SHANK2: variants seen among roughly 807,000 people sequenced by gnomAD.
SHANK2 encodes SH3 and multiple ankyrin repeat domains protein 2.
SHANK2 carries 43 observed loss-of-function variants against 133.7 expected under a neutral mutation model. That is an observed-to-expected ratio of 0.32 (90% CI 0.25 to 0.41). The LOEUF (loss-of-function observed/expected upper bound fraction) is 0.41. Among genes scored for constraint, SHANK2 ranks in the 10% least tolerant of loss-of-function variants. The pLI, the probability that SHANK2 is intolerant of heterozygous loss-of-function variation, is 1.00. For synonymous variants in SHANK2, 1,017 were observed against 952.8 expected (o/e 1.07, Z -1.24); for missense variants, 1,994 against 2,235.8 (o/e 0.89, Z 2.18).
At chr11:70,704,680 G>A (rs1451688017) in intron 14 of SHANK2, among the ~76,000 whole-genome samples, 29 of 152,344 alleles carry the variant, frequency 1.9e-4, no homozygotes, top group African/African-American at 6.7e-4. Flanking sequence ...GAGGGAGTGA[G>A]TCCAGCAATG....
upstream of SHANK2, among the ~76,000 whole-genome samples, chr11:71,253,045 C>T (rs992278781): frequency 1.3e-5 from 2 of 152,198 alleles, no homozygotes; most frequent in Non-Finnish European, 2.9e-5. Context: ...CCGGGTGATA[C>T]GCCGGCGTCT....
chr11:71,060,298 T>A (rs1950972469), intron 9 of SHANK2, among the ~76,000 whole-genome samples: 1 of 152,176 alleles, frequency 6.6e-6, no homozygotes, highest in Non-Finnish European at 1.5e-5. Flanking sequence ...TCAATAAAGC[T>A]GAGGTCAACA....
intron 8 of SHANK2, among the ~76,000 whole-genome samples, chr11:71,083,218 G>A (rs1951325124): frequency 6.6e-6 from 1 of 152,172 alleles, no homozygotes; most frequent in African/African-American, 2.4e-5. Flanking sequence ...TGGGACTATA[G>A]TGTGAGCCCC....
At chr11:70,682,256 G>T (rs1183334904) in intron 15 of SHANK2, among the ~76,000 whole-genome samples, 1 of 152,162 alleles carries the variant, frequency 6.6e-6, no homozygotes, top group South Asian at 2.1e-4. Context: ...ACCCCCGGAC[G>T]GTTACTAGGA....
At chr11:70,517,239 G>A (rs1450466803) in intron 17 of SHANK2, among the ~76,000 whole-genome samples, 1 of 152,218 alleles carries the variant, frequency 6.6e-6, no homozygotes, top group East Asian at 1.9e-4. Context: ...AGGATGTGCA[G>A]CAACCGGAAT....
chr11:71,066,424 A>G (rs1951065015), intron 9 of SHANK2, among the ~76,000 whole-genome samples: 1 of 151,976 alleles, frequency 6.6e-6, no homozygotes, highest in Non-Finnish European at 1.5e-5. Context: ...CGTGAAGCCA[A>G]GGAACTTCTG....
In SHANK2 at chr11:70,486,652, G is replaced by C. The variant is rs2058810899; in HGVS notation, c.3641C>G (p.Ser1214Cys). 6.2e-7 allele frequency: 1 copy of C among 1,612,416 alleles called. No individual in the cohort carries two copies. Among genetic ancestry groups the C allele is most frequent in the Non-Finnish European group, 8.5e-7 (1 of 1,180,006 alleles). The change falls in exon 25 of 26, where the codon TCC becomes TGC. Residue 1214 changes from serine (S) to cysteine (C), a missense_variant. Transcript: ENST00000601538. This position sits in a 1 kb window ranked among gnomAD's most constrained non-coding sequence, Gnocchi z 8.0. ...PLTGRLLDPS[S>C]PLALALSARD... ...TGCGGAGAGTGCCAGGGCCAGCGGG[G>C]AGCTGGGATCAAGCAGCCGCCCTGT...
chr11:71,092,690 CAA>C, intron 7 of SHANK2, 101 bp from the exon 8 acceptor site: 1 of 1,154,724 alleles, frequency 8.7e-7, no homozygotes, highest in East Asian at 2.6e-5. Flanking sequence ...TCCCCCAGGT[CAA>C]GGCAACCCAC....
rs564418732 is a variant in SHANK2 at position 71,185,946 on chromosome 11, G to A, written c.-12-38608C>T. 2.1e-3 allele frequency among the ~76,000 whole-genome samples: 327 copies of A among 152,282 alleles called. 1 individual carries two copies. The highest frequency in any genetic ancestry group is 7.2e-3 in the African/African-American group (299 of 41,560). On this transcript the variant is annotated intron_variant, in intron 2 of 25. Coordinates refer to ENST00000601538, the MANE Select transcript of SHANK2 (RefSeq NM_012309.5). The stretch of plus-strand genomic sequence containing the variant: ...AACAGTCTTGCCTGTCTCCCATGGC[G>A]CATTCCCAACAATGGAAAATACAAT...
At chr11:71,105,860 A>G (rs1555097778) in intron 6 of SHANK2, among the ~76,000 whole-genome samples, 1 of 152,094 alleles carries the variant, frequency 6.6e-6, no homozygotes, top group Non-Finnish European at 1.5e-5. Flanking sequence ...GTACAGCACC[A>G]AGCATAAACC....
At chr11:70,544,984 G>C (rs180755989) in intron 17 of SHANK2, among the ~76,000 whole-genome samples, 1 of 152,192 alleles carries the variant, frequency 6.6e-6, no homozygotes, top group Non-Finnish European at 1.5e-5. Flanking sequence ...CTGGGGTGGC[G>C]GTGGACCTCG....
At chr11:70,898,110 G>A (rs1267276969) in intron 10 of SHANK2, among the ~76,000 whole-genome samples, 1 of 151,382 alleles carries the variant, frequency 6.6e-6, no homozygotes, top group Non-Finnish European at 1.5e-5. Flanking sequence ...TTACAGGCAT[G>A]TGCCACCATG....
At chr11:70,543,191 A>G (rs1554975561) in intron 17 of SHANK2, among the ~76,000 whole-genome samples, 1 of 152,192 alleles carries the variant, frequency 6.6e-6, no homozygotes, top group African/African-American at 2.4e-5. Context: ...GGAGCCACAC[A>G]CAGTCTGCGT....
At chr11:70,838,787 C>T (rs1948861131) in intron 11 of SHANK2, among the ~76,000 whole-genome samples, 1 of 152,146 alleles carries the variant, frequency 6.6e-6, no homozygotes, top group Non-Finnish European at 1.5e-5. Flanking sequence ...GACTTCAGGG[C>T]CCTCCACTTT....
chr11:70,732,387 T>TG (rs1946309836), intron 14 of SHANK2, among the ~76,000 whole-genome samples: 1 of 152,218 alleles, frequency 6.6e-6, no homozygotes, highest in Non-Finnish European at 1.5e-5. Context: ...TGCCTGGCTC[T>TG]GGACCAGTCT....
At position 71,094,530 on chromosome 11, in the gene SHANK2, A is replaced by C; in HGVS notation, c.744+7T>G. ...GTGGCACCCAAGTAAGATGGGCCCG[A>C]GTTTACCTTCAGGGCAACTTGGTTC... On this transcript the variant is annotated splice_region_variant and intron_variant, in intron 7 of 25. Coordinates refer to ENST00000601538, the MANE Select transcript of SHANK2 (RefSeq NM_012309.5). 1 of 1,548,616 alleles carries C rather than the reference A, an allele frequency of 6.5e-7. No individual in the cohort carries two copies. Among genetic ancestry groups the C allele is most frequent in the Non-Finnish European group, 8.7e-7 (1 of 1,144,766 alleles).
intron 1 of SHANK2, among the ~76,000 whole-genome samples, chr11:71,237,046 C>A (rs1341746372): frequency 6.6e-6 from 1 of 152,170 alleles, no homozygotes; most frequent in Admixed American, 6.5e-5. Context: ...TTTGGGAAGT[C>A]TTCTCCCACA....
At chr11:70,843,033 C>T (rs1555062188) in intron 11 of SHANK2, among the ~76,000 whole-genome samples, 2 of 152,190 alleles carry the variant, frequency 1.3e-5, no homozygotes, top group South Asian at 2.1e-4. Context: ...ACACCCTGGG[C>T]CTCAGACTCC....
chr11:70,694,077 T>C (rs1297943134), intron 15 of SHANK2, among the ~76,000 whole-genome samples: 3 of 152,214 alleles, frequency 2.0e-5, no homozygotes, highest in Non-Finnish European at 4.4e-5. Flanking sequence ...GAGTATCCCA[T>C]GATGAGGCTG....
Sources: allele counts gnomAD v4.1 joint callset (sites outside exome capture counted in the v4.1 genomes callset), GRCh38; gene constraint gnomAD v4.1.1; non-coding constraint Gnocchi (gnomAD v3.1); transcripts MANE v1.5; gene names NCBI Gene and HGNC (gene_info 2026-07-23, HGNC 2026-07-21).